Variants in GRIK3 observed in about 807,000 individuals in gnomAD.
GRIK3 encodes the protein glutamate ionotropic receptor kainate type subunit 3, also known as glutamate receptor ionotropic, kainate 3.
A neutral mutation model predicts 102.5 loss-of-function variants in GRIK3; 29 were observed. The ratio of observed to expected loss-of-function variants is 0.28; its 90% CI spans 0.21 to 0.39. The LOEUF is 0.39. GRIK3 is among the 10% of genes least tolerant of loss of function. The probability of loss-of-function intolerance (pLI) is 1.00; values close to 1 mark genes in which losing one functional copy is unlikely to be tolerated. For synonymous variants in GRIK3, 511 were observed against 504.9 expected (o/e 1.01, Z -0.16); for missense variants, 908 against 1,252.4 (o/e 0.73, Z 4.15).
At chr1:36,972,500 C>A (rs115823968) in intron 1 of GRIK3, among the ~76,000 whole-genome samples, 1 of 152,094 alleles carries the variant, frequency 6.6e-6, no homozygotes, top group Non-Finnish European at 1.5e-5. Context: ...TCTTGAGAAA[C>A]GGGAGGTGGG....
At chr1:36,839,601 T>C (rs910947717) in intron 10 of GRIK3, among the ~76,000 whole-genome samples, 1 of 152,212 alleles carries the variant, frequency 6.6e-6, no homozygotes, top group African/African-American at 2.4e-5. Flanking sequence ...TGTAATACAC[T>C]ATGTTGACTT....
intron 9 of GRIK3, among the ~76,000 whole-genome samples, chr1:36,844,074 T>C (rs539383256): frequency 6.6e-6 from 1 of 152,334 alleles, no homozygotes; most frequent in East Asian, 1.9e-4. Context: ...GCTTGAGCCT[T>C]TGGCCCTCTC....
intron 1 of GRIK3, among the ~76,000 whole-genome samples, chr1:36,912,891 G>C (rs1367734861): frequency 3.3e-5 from 5 of 152,206 alleles, no homozygotes; most frequent in African/African-American, 9.7e-5. Flanking sequence ...GCTAATTTGA[G>C]TTCAGGACTT....
intron 6 of GRIK3, 95 bp downstream of exon 6, chr1:36,859,749 G>T: frequency 1.0e-6 from 1 of 1,003,206 alleles, no homozygotes. Context: ...AAGAAGAGAA[G>T]TGGTGGAGGG....
At chr1:36,938,621 A>C (rs1290116980) in intron 1 of GRIK3, among the ~76,000 whole-genome samples, 1 of 152,054 alleles carries the variant, frequency 6.6e-6, no homozygotes, top group African/African-American at 2.4e-5. Flanking sequence ...TCCCAGCTCA[A>C]ACCATCCCCC....
intron 1 of GRIK3, among the ~76,000 whole-genome samples, chr1:37,033,385 G>T (rs1642849491): frequency 6.6e-6 from 1 of 152,174 alleles, no homozygotes; most frequent in East Asian, 1.9e-4. Flanking sequence ...TTGGCCCCGA[G>T]GGACCAGCTG....
At chr1:36,964,129 T>C (rs1203355916) in intron 1 of GRIK3, among the ~76,000 whole-genome samples, 1 of 152,132 alleles carries the variant, frequency 6.6e-6, no homozygotes, top group African/African-American at 2.4e-5. Flanking sequence ...AGTCACTCAT[T>C]AGTATGGGGA....
intron 13 of GRIK3, among the ~76,000 whole-genome samples, chr1:36,814,517 C>CG (rs1216007450): frequency 7.4e-6 from 1 of 135,522 alleles, no homozygotes; most frequent in African/African-American, 2.8e-5. Flanking sequence ...AGACCCCCCC[C>CG]CCCCACACAC....
intron 13 of GRIK3, among the ~76,000 whole-genome samples, chr1:36,812,579 A>G (rs978673853): frequency 6.6e-6 from 1 of 152,052 alleles, no homozygotes; most frequent in South Asian, 2.1e-4. Flanking sequence ...GGAGGACAAC[A>G]CAGGAGACGC....
intron 1 of GRIK3, among the ~76,000 whole-genome samples, chr1:36,983,870 G>C (rs1463584855): frequency 6.6e-6 from 1 of 152,152 alleles, no homozygotes; most frequent in Non-Finnish European, 1.5e-5. Flanking sequence ...TCCACGAGGT[G>C]CCTGGCAGTG....
chr1:36,984,551 G>A (rs529946719), intron 1 of GRIK3, among the ~76,000 whole-genome samples: 1 of 152,364 alleles, frequency 6.6e-6, no homozygotes, highest in East Asian at 1.9e-4. Flanking sequence ...GCACCATGAA[G>A]ACAGAGTTAG....
chr1:36,958,685 G>GCC (rs1641958054), intron 1 of GRIK3, among the ~76,000 whole-genome samples: 1 of 102,776 alleles, frequency 9.7e-6, no homozygotes, highest in Admixed American at 9.6e-5. Flanking sequence ...TGCCCTGTGA[G>GCC]TCTGTGCCTT....
chr1:36,934,542 T>A (rs1303918468), intron 1 of GRIK3, among the ~76,000 whole-genome samples: 2 of 152,210 alleles, frequency 1.3e-5, no homozygotes, highest in Non-Finnish European at 2.9e-5. Context: ...AGGTCTCAAC[T>A]CAAATGTCAC....
At chr1:36,929,933 G>C (rs1301531793) in intron 1 of GRIK3, among the ~76,000 whole-genome samples, 1 of 152,254 alleles carries the variant, frequency 6.6e-6, no homozygotes, top group African/African-American at 2.4e-5. Context: ...CTTCCAGGAT[G>C]GCTAACTCAT....
chr1:36,953,047 G>T (rs1010211125), intron 1 of GRIK3, among the ~76,000 whole-genome samples: 1 of 152,184 alleles, frequency 6.6e-6, no homozygotes, highest in Non-Finnish European at 1.5e-5. Flanking sequence ...GAGGAGGAGC[G>T]GGAGGAGGAG....
chr1:36,920,556 T>G (rs918579972), intron 1 of GRIK3, among the ~76,000 whole-genome samples: 4 of 152,172 alleles, frequency 2.6e-5, no homozygotes, highest in Non-Finnish European at 4.4e-5. Context: ...CAGCACCTGC[T>G]TCCCATGCCC....
chr1:36,814,520 C>CCCCACA (rs1553173908), intron 13 of GRIK3, among the ~76,000 whole-genome samples: 1 of 134,238 alleles, frequency 7.4e-6, no homozygotes, highest in African/African-American at 2.9e-5. Context: ...CCCCCCCCCC[C>CCCCACA]CACACACAGA....
intron 1 of GRIK3, among the ~76,000 whole-genome samples, chr1:36,908,274 T>C (rs1300807179): frequency 2.0e-5 from 3 of 152,196 alleles, no homozygotes; most frequent in Non-Finnish European, 4.4e-5. Flanking sequence ...AGGGGTGACA[T>C]TACTGGGGGG....
chr1:36,917,240 T>C (rs537447062), intron 1 of GRIK3, among the ~76,000 whole-genome samples: 2 of 152,360 alleles, frequency 1.3e-5, no homozygotes, highest in South Asian at 4.1e-4. Context: ...ATCGAATGCC[T>C]GTAATGCCAT....
Sources: gnomAD v4.1 joint callset for allele counts (sites outside exome capture counted in the v4.1 genomes callset) on GRCh38, gnomAD v4.1.1 for gene constraint, MANE v1.5 for transcripts, NCBI Gene and HGNC (gene_info 2026-07-23, HGNC 2026-07-21) for gene names.